LRP1B: variants seen among roughly 807,000 people sequenced by gnomAD.
The protein encoded by LRP1B is low-density lipoprotein receptor-related protein 1B.
A neutral mutation model predicts 556.6 loss-of-function variants in LRP1B; 217 were observed. The observed-to-expected ratio is 0.39, with a 90% CI of 0.35 to 0.44. The LOEUF is 0.44. Ranked by LOEUF, LRP1B falls within the 20% of genes least tolerant of loss-of-function variation. LRP1B has a pLI of 1.00. For missense variants in LRP1B, 5,053 were observed against 5,620.8 expected (o/e 0.90, Z 3.23); for synonymous variants, 2,047 against 1,865.8 (o/e 1.10, Z -2.50).
At chr2:140,925,905 T>G (rs895243787) in intron 20 of LRP1B, among the ~76,000 whole-genome samples, 2 of 152,176 alleles carry the variant, frequency 1.3e-5, no homozygotes, top group Non-Finnish European at 2.9e-5. Context: ...GAGAGTATAC[T>G]GTTATTGTCT....
intron 35 of LRP1B, among the ~76,000 whole-genome samples, chr2:140,718,575 T>C (rs995601798): frequency 1.3e-5 from 2 of 152,012 alleles, no homozygotes; most frequent in African/African-American, 4.8e-5. Context: ...GCTACAGATA[T>C]ACTTTTAAAA....
At chr2:140,657,836 G>A (rs1684947510) in intron 41 of LRP1B, among the ~76,000 whole-genome samples, 1 of 151,744 alleles carries the variant, frequency 6.6e-6, no homozygotes, top group South Asian at 2.1e-4. Context: ...TGATGTAATA[G>A]CCTGTTGCCT....
At chr2:141,229,137 T>C (rs1347717785) in intron 6 of LRP1B, 46 bp downstream of exon 6, 2 of 1,594,646 alleles carry the variant, frequency 1.3e-6, no homozygotes, top group Non-Finnish European at 1.7e-6. Flanking sequence ...GGTCTGTAAA[T>C]GAAATCAGTA....
intron 41 of LRP1B, among the ~76,000 whole-genome samples, chr2:140,617,213 G>C (rs1392459878): frequency 6.6e-6 from 1 of 151,720 alleles, no homozygotes; most frequent in Non-Finnish European, 1.5e-5. Flanking sequence ...CACAAATACT[G>C]TCTCCCTCTT....
chr2:140,513,008 A>G (rs1422156599), intron 51 of LRP1B, among the ~76,000 whole-genome samples: 9 of 152,202 alleles, frequency 5.9e-5, no homozygotes, highest in Admixed American at 5.2e-4. Context: ...AAACATGTCC[A>G]TTTTCTTATT....
chr2:141,344,431 TG>T (rs1452644236), intron 3 of LRP1B, among the ~76,000 whole-genome samples: 1 of 152,108 alleles, frequency 6.6e-6, no homozygotes, highest in Non-Finnish European at 1.5e-5. Flanking sequence ...TCTCCTCTCT[TG>T]GCCTTTGGCG....
chr2:142,083,441 G>A (rs1419687692), intron 1 of LRP1B, among the ~76,000 whole-genome samples: 1 of 152,156 alleles, frequency 6.6e-6, no homozygotes, highest in African/African-American at 2.4e-5. Flanking sequence ...TCTTCTTTTG[G>A]AGGAATGCAG....
chr2:140,560,988 C>A (rs755683581), intron 43 of LRP1B, among the ~76,000 whole-genome samples: 1 of 152,046 alleles, frequency 6.6e-6, no homozygotes, highest in Non-Finnish European at 1.5e-5. Context: ...GAAAACAATA[C>A]CCCGAAGTGA....
At chr2:141,777,857 T>G (rs1161959411) in intron 2 of LRP1B, among the ~76,000 whole-genome samples, 1 of 151,678 alleles carries the variant, frequency 6.6e-6, no homozygotes, top group Non-Finnish European at 1.5e-5. Context: ...TCGTTTACTT[T>G]TATGATGTAA....
chr2:141,431,039 G>C (rs1559066878), intron 3 of LRP1B, among the ~76,000 whole-genome samples: 1 of 151,962 alleles, frequency 6.6e-6, no homozygotes, highest in Non-Finnish European at 1.5e-5. Context: ...GGGAGGCTAA[G>C]GTAGGAGTAC....
At chr2:141,472,759 T>G (rs35293746) in intron 3 of LRP1B, among the ~76,000 whole-genome samples, 66,751 of 151,894 alleles carry the variant, frequency 0.44, 14,977 homozygotes, top group Non-Finnish European at 0.49. Context: ...TCCTTTTAAC[T>G]TAAAGCCTTC....
chr2:141,804,434 C>T (rs1215736784), intron 2 of LRP1B, among the ~76,000 whole-genome samples: 1 of 151,898 alleles, frequency 6.6e-6, no homozygotes, highest in Non-Finnish European at 1.5e-5. Flanking sequence ...TGGAAGAGTT[C>T]CTAGAAAAAG....
At chr2:141,446,769 GGAGA>G (rs1309545247) in intron 3 of LRP1B, among the ~76,000 whole-genome samples, 1 of 152,110 alleles carries the variant, frequency 6.6e-6, no homozygotes, top group African/African-American at 2.4e-5. Context: ...GGGTTTCTGC[GGAGA>G]GAGACCCACT....
chr2:140,840,253 TA>T (rs1170341348), intron 30 of LRP1B, among the ~76,000 whole-genome samples, 168 bp from the exon 31 acceptor site: 4 of 152,298 alleles, frequency 2.6e-5, no homozygotes, highest in African/African-American at 9.6e-5. Flanking sequence ...ATAACCTACA[TA>T]TTTGCCTGAA....
intron 66 of LRP1B, among the ~76,000 whole-genome samples, chr2:140,438,852 C>T (rs1280339110): frequency 1.6e-4 from 24 of 152,024 alleles, no homozygotes; most frequent in Non-Finnish European, 1.5e-5. Context: ...AGCAAGACGA[C>T]AGAGAGGAGT....
intron 3 of LRP1B, among the ~76,000 whole-genome samples, chr2:141,410,710 T>C (rs1410236504): frequency 2.0e-5 from 3 of 152,042 alleles, no homozygotes; most frequent in Non-Finnish European, 4.4e-5. Flanking sequence ...TCCTTTATAA[T>C]AAGATTATAT....
intron 1 of LRP1B, among the ~76,000 whole-genome samples, chr2:141,881,380 T>A (rs1698952494): frequency 6.6e-6 from 1 of 152,094 alleles, no homozygotes; most frequent in Non-Finnish European, 1.5e-5. Flanking sequence ...AAGCCAAATC[T>A]TGGCATCTTA....
chr2:141,074,889 A>G (rs1699747618), intron 7 of LRP1B, among the ~76,000 whole-genome samples: 1 of 152,160 alleles, frequency 6.6e-6, no homozygotes. Context: ...TTTTGCATAC[A>G]GTTCCCTTGG....
chr2:141,678,347 A>AT (rs889992838), intron 2 of LRP1B, among the ~76,000 whole-genome samples: 4 of 152,176 alleles, frequency 2.6e-5, no homozygotes, highest in African/African-American at 9.6e-5. Flanking sequence ...GGAAAAACCA[A>AT]TATACGATAC....
Sources: gnomAD v4.1 joint callset for allele counts (sites outside exome capture counted in the v4.1 genomes callset) on GRCh38, gnomAD v4.1.1 for gene constraint, MANE v1.5 for transcripts, NCBI Gene and HGNC (gene_info 2026-07-23, HGNC 2026-07-21) for gene names.